Variants in PTPRK observed in about 807,000 individuals in gnomAD.
The protein encoded by PTPRK is receptor-type tyrosine-protein phosphatase kappa.
Under a neutral mutation model 178.0 loss-of-function variants are expected in PTPRK, and 75 were observed. The ratio of observed to expected loss-of-function variants is 0.42; its 90% CI spans 0.35 to 0.51. PTPRK has a LOEUF of 0.51. PTPRK is among the 20% of genes least tolerant of loss of function. PTPRK has a pLI of 0.02. For missense variants in PTPRK, 1,441 were observed against 1,797.8 expected (o/e 0.80, Z 3.59); for synonymous variants, 637 against 620.6 (o/e 1.03, Z -0.39).
chr6:128,288,222 TC>T (rs1227768468), intron 3 of PTPRK, among the ~76,000 whole-genome samples: 4 of 152,208 alleles, frequency 2.6e-5, no homozygotes, highest in African/African-American at 9.6e-5. Flanking sequence ...TCTTTGTATT[TC>T]TTTCATAAAT....
chr6:128,000,079 TA>T (rs78615852), intron 15 of PTPRK: 22,835 of 788,032 alleles, frequency 0.029, 229 homozygotes, highest in South Asian at 0.085. Flanking sequence ...ACTTACCACT[TA>T]AAAAAAAAAA....
At chr6:128,061,574 G>A (rs1780828276) in intron 13 of PTPRK, among the ~76,000 whole-genome samples, 1 of 152,150 alleles carries the variant, frequency 6.6e-6, no homozygotes. Flanking sequence ...GGGAGGGTCT[G>A]ACTGTAGGGC....
chr6:128,451,622 A>AT (rs1435239650), intron 1 of PTPRK, among the ~76,000 whole-genome samples: 17 of 152,032 alleles, frequency 1.1e-4, no homozygotes, highest in South Asian at 6.2e-4. Context: ...GCCTCGGTAA[A>AT]TTTTTTTTGT....
At chr6:128,175,356 G>A (rs1355683127) in intron 7 of PTPRK, among the ~76,000 whole-genome samples, 2 of 151,844 alleles carry the variant, frequency 1.3e-5, no homozygotes, top group East Asian at 3.9e-4. Flanking sequence ...TAGTTGAATA[G>A]TATTTGTCAA....
At chr6:128,197,491 CT>C (rs1438105232) in intron 6 of PTPRK, among the ~76,000 whole-genome samples, 1 of 151,626 alleles carries the variant, frequency 6.6e-6, no homozygotes, top group African/African-American at 2.4e-5. Flanking sequence ...TAATTTGTAC[CT>C]GGATATTTTG....
intron 1 of PTPRK, among the ~76,000 whole-genome samples, chr6:128,462,356 T>C (rs998647786): frequency 6.6e-6 from 1 of 152,156 alleles, no homozygotes; most frequent in Non-Finnish European, 1.5e-5. Context: ...AATACTTATG[T>C]AATCCAATAT....
intron 1 of PTPRK, among the ~76,000 whole-genome samples, chr6:128,425,164 G>A (rs368455541): frequency 4.1e-5 from 6 of 148,096 alleles, no homozygotes; most frequent in South Asian, 4.3e-4. Flanking sequence ...TGCAACCTCC[G>A]CCTCCCGGGT....
At chr6:128,320,439 A>T (rs942819099) in intron 3 of PTPRK, among the ~76,000 whole-genome samples, 1 of 152,154 alleles carries the variant, frequency 6.6e-6, no homozygotes, top group Non-Finnish European at 1.5e-5. Context: ...CTATGTTGTT[A>T]TTGTTCTTGT....
intron 1 of PTPRK, chr6:128,500,413 C>T (rs1405703576): frequency 1.3e-5 from 2 of 151,990 alleles, no homozygotes; most frequent in African/African-American, 4.8e-5. Context: ...GGTAAGCTTT[C>T]CAGCCTTATG....
chr6:128,187,702 C>T (rs1228388200), intron 6 of PTPRK, among the ~76,000 whole-genome samples: 1 of 152,140 alleles, frequency 6.6e-6, no homozygotes. Context: ...TCTCACTTTC[C>T]ATGGTCAGGC....
intron 7 of PTPRK, among the ~76,000 whole-genome samples, chr6:128,136,944 T>C (rs1303801589): frequency 6.6e-6 from 1 of 152,150 alleles, no homozygotes; most frequent in East Asian, 1.9e-4. Flanking sequence ...CTTATTGTTC[T>C]CCAATAGCCC....
chr6:128,437,904 C>T (rs976405755), intron 1 of PTPRK, among the ~76,000 whole-genome samples: 4 of 152,232 alleles, frequency 2.6e-5, no homozygotes, highest in Non-Finnish European at 4.4e-5. Flanking sequence ...ACACAGTCAT[C>T]CCTCGCATAG....
chr6:128,213,759 A>G lies in PTPRK; in HGVS notation c.868+5163T>C, dbSNP rs144491785. Among the ~76,000 whole-genome samples, 423 of 152,208 alleles carry G rather than the reference A, an allele frequency of 2.8e-3. 3 individuals are homozygous for G. Among genetic ancestry groups the G allele is most frequent in the African/African-American group, 9.7e-3 (402 of 41,554 alleles). On this transcript the variant is annotated intron_variant, in intron 6 of 29. Coordinates refer to ENST00000368226, the MANE Select transcript of PTPRK (RefSeq NM_002844.4). ...TTGCTTCTTATATAAAAACACCAAAAAAATTCAGATTTAATTTTATGTACA... is the reference window on the plus strand; with the variant it reads ...TTGCTTCTTATATAAAAACACCAAAGAAATTCAGATTTAATTTTATGTACA...
At chr6:127,997,343 T>C (rs1032338820) in intron 16 of PTPRK, among the ~76,000 whole-genome samples, 2 of 152,134 alleles carry the variant, frequency 1.3e-5, no homozygotes, top group African/African-American at 4.8e-5. Context: ...AAGCTTTTAA[T>C]GAGTATCTTT....
intron 2 of PTPRK, among the ~76,000 whole-genome samples, chr6:128,334,052 G>A (rs1237234642): frequency 6.6e-6 from 1 of 152,128 alleles, no homozygotes. Context: ...GGAACAGTCA[G>A]AATACATACA....
At chr6:128,195,119 A>T (rs546191867) in intron 6 of PTPRK, among the ~76,000 whole-genome samples, 29 of 152,154 alleles carry the variant, frequency 1.9e-4, no homozygotes, top group African/African-American at 7.0e-4. Flanking sequence ...CATCTAGAAT[A>T]TAAATACATT....
chr6:128,282,138 A>G (rs990892405), intron 3 of PTPRK, among the ~76,000 whole-genome samples: 6 of 152,168 alleles, frequency 3.9e-5, no homozygotes, highest in African/African-American at 1.4e-4. Flanking sequence ...AGGACTATAC[A>G]TGGCTGTTGA....
At chr6:127,992,811 A>G in intron 18 of PTPRK, 102 bp from the exon 19 acceptor site, 2 of 965,454 alleles carry the variant, frequency 2.1e-6, no homozygotes, top group Non-Finnish European at 3.1e-6. Flanking sequence ...AGATTAAGTT[A>G]TAATAAAAAG....
At chr6:128,193,419 A>G (rs1804242871) in intron 6 of PTPRK, among the ~76,000 whole-genome samples, 1 of 152,150 alleles carries the variant, frequency 6.6e-6, no homozygotes, top group Non-Finnish European at 1.5e-5. Context: ...ATATTTTAAA[A>G]CTAATTCGAA....
Sources: gnomAD v4.1 joint callset for allele counts (sites outside exome capture counted in the v4.1 genomes callset) on GRCh38, gnomAD v4.1.1 for gene constraint, MANE v1.5 for transcripts, NCBI Gene and HGNC (gene_info 2026-07-23, HGNC 2026-07-21) for gene names.